ARAP1: variants seen among roughly 807,000 people sequenced by gnomAD.
ARAP1 encodes arf-GAP with Rho-GAP domain, ANK repeat and PH domain-containing protein 1.
ARAP1 carries 76 observed loss-of-function variants against 172.2 expected under a neutral mutation model. The ratio of observed to expected loss-of-function variants is 0.44; its 90% CI spans 0.37 to 0.53. The LOEUF (loss-of-function observed/expected upper bound fraction) is 0.53, where lower values mean the gene tolerates loss of function less well. Ranked by LOEUF, ARAP1 falls within the 20% of genes least tolerant of loss-of-function variation. The pLI, the probability that ARAP1 is intolerant of heterozygous loss-of-function variation, is 0.00. For missense variants in ARAP1, 1,686 were observed against 1,977.5 expected (o/e 0.85, Z 2.80); for synonymous variants, 804 against 803.3 (o/e 1.00, Z -0.01).
chr11:72,713,774 G>A (rs1283870935), intron 4 of ARAP1, among the ~76,000 whole-genome samples: 1 of 151,472 alleles, frequency 6.6e-6, no homozygotes, highest in Non-Finnish European at 1.5e-5. Flanking sequence ...GTGAACCCAG[G>A]AGGCAGAGCT....
rs186890321 is a variant in ARAP1 at position 72,698,070 on chromosome 11, G to A, written c.2578C>T (p.Arg860Trp). 242 of 1,606,006 alleles carry A rather than the reference G, an allele frequency of 1.5e-4. 1 individual carries two copies. Among genetic ancestry groups the A allele is most frequent in the Middle Eastern group, 6.6e-4 (4 of 6,040 alleles). ...VPPLAEDLLA[R>W]DFERLGRLPY... ...AGGCGTCCCAGCCGCTCAAAATCCC[G>A]GGCCAGCAGATCCTCGGCTAGGGGA... The change falls in exon 19 of 35, where the codon CGG becomes TGG. Residue 860 changes from arginine to tryptophan, a missense_variant. Physicochemically the swap from Arg to Trp is moderately radical, Grantham distance 101 (BLOSUM62 -3). This residue lies in a region of ARAP1 where 688 missense variants were observed against 856.9 expected (regional missense o/e 0.80). Coordinates refer to ENST00000393609, the MANE Select transcript of ARAP1 (RefSeq NM_001040118.3).
intron 14 of ARAP1, 79 bp downstream of exon 14, chr11:72,704,073 G>A: frequency 6.4e-7 from 1 of 1,559,750 alleles, no homozygotes. Context: ...TAGATGAGAT[G>A]GGTTAAGACA....
chr11:72,697,883 G>C (rs1856287082), intron 19 of ARAP1, 28 bp downstream of exon 19: 1 of 1,539,366 alleles, frequency 6.5e-7, no homozygotes, highest in Admixed American at 2.0e-5. Context: ...TGCCCTGGAG[G>C]CTGGGGGCCC....
In ARAP1 at chr11:72,697,051, C is replaced by A; in HGVS notation, c.3098G>T (p.Arg1033Leu). 1 of 1,610,172 alleles carries A rather than the reference C, an allele frequency of 6.2e-7. No individual in the cohort carries two copies. The highest frequency in any genetic ancestry group is 8.5e-7 in the Non-Finnish European group (1 of 1,179,936). ...HVDDVSSALK[R>L]FLRDLPDGLF... Reference sequence around the variant, plus strand: ...CCCATCAGGCAGGTCGCGCAGGAAGCGCTTGAGCGCCGAGGAAACATCATC... The same window carrying A: ...CCCATCAGGCAGGTCGCGCAGGAAGAGCTTGAGCGCCGAGGAAACATCATC... Residue 1033 changes from arginine to leucine, a missense_variant, in exon 22 of 35, where the codon CGC (arginine) becomes CTC (leucine). Around this residue, in one of 5 missense-constraint regions of ARAP1, gnomAD observed 274 missense variants for 262.7 expected, o/e 1.04. Coordinates refer to ENST00000393609, the MANE Select transcript of ARAP1 (RefSeq NM_001040118.3).
chr11:72,686,865 G>A (rs1464748514), intron 33 of ARAP1, among the ~76,000 whole-genome samples: 2 of 152,044 alleles, frequency 1.3e-5, no homozygotes, highest in Non-Finnish European at 2.9e-5. Flanking sequence ...CCCCGCCAGT[G>A]GTTCCCCACT....
chr11:72,699,333 C>T lies in ARAP1; in HGVS notation c.2438+84G>A. ...TGTGTGACTCTGCGGAGGTCCTCCC[C>T]TTCTCTGGGTCTATTTCCCTGTCTC... On this transcript the variant is annotated intron_variant, in intron 17 of 34. Transcript: ENST00000393609. This position sits in a 1 kb window ranked among gnomAD's most constrained non-coding sequence, Gnocchi z 4.2. The T allele has an allele frequency of 6.3e-7, 1 of 1,585,970 alleles. No homozygotes were observed. Among genetic ancestry groups the T allele is most frequent in the Non-Finnish European group, 8.6e-7 (1 of 1,163,662 alleles).
intron 7 of ARAP1, 98 bp downstream of exon 7, chr11:72,712,098 T>C: frequency 6.9e-7 from 1 of 1,441,356 alleles, no homozygotes; most frequent in Non-Finnish European, 9.1e-7. Flanking sequence ...GCCCTTCTGG[T>C]TTTCAGATCA....
chr11:72,724,737 C>T (rs1857635461), intron 3 of ARAP1, among the ~76,000 whole-genome samples: 1 of 152,198 alleles, frequency 6.6e-6, no homozygotes, highest in African/African-American at 2.4e-5. Flanking sequence ...GGAAGCCAGG[C>T]TTGGTAGCTT....
chr11:72,729,484 T>C (rs546954819), intron 2 of ARAP1, among the ~76,000 whole-genome samples: 1 of 151,910 alleles, frequency 6.6e-6, no homozygotes, highest in African/African-American at 2.4e-5. Flanking sequence ...TCTCAGCTAC[T>C]CAGGAGGCTA....
chr11:72,712,451 C>G lies in ARAP1; in HGVS notation c.865G>C (p.Glu289Gln). 1 of 1,590,604 alleles carries G rather than the reference C, an allele frequency of 6.3e-7. No homozygotes were observed. Among genetic ancestry groups the G allele is most frequent in the East Asian group, 2.3e-5 (1 of 44,418 alleles). Residue 289 changes from glutamate (E) to glutamine (Q), a missense_variant, in exon 6 of 35, where the codon GAG (glutamate) becomes CAG (glutamine). Physicochemically the swap from Glu to Gln is conservative, Grantham distance 29 (BLOSUM62 2). Transcript: ENST00000393609. Reference sequence around the variant, plus strand: ...CCGGACACTCACTTGGGGACGCCCTCATAGGCGTGGTCATCCTCTTCCTCA... The same window carrying G: ...CCGGACACTCACTTGGGGACGCCCTGATAGGCGTGGTCATCCTCTTCCTCA... ...GDEEEDDHAYEGVPNGGWHTS... is the reference protein window; with the variant it reads ...GDEEEDDHAYQGVPNGGWHTS...
chr11:72,738,132 G>C (rs1434669031), intron 1 of ARAP1, among the ~76,000 whole-genome samples: 1 of 152,208 alleles, frequency 6.6e-6, no homozygotes, highest in Non-Finnish European at 1.5e-5. Context: ...AGGTGGCCAG[G>C]TGGAGGCCAT....
intron 1 of ARAP1, among the ~76,000 whole-genome samples, chr11:72,751,579 A>AC (rs1297942142): frequency 2.0e-5 from 3 of 151,406 alleles, no homozygotes; most frequent in African/African-American, 7.3e-5. Context: ...CCTTCCGAGT[A>AC]CCCCCAGGTA....
At position 72,726,109 on chromosome 11, in the gene ARAP1, G is replaced by A. The variant is rs141867322; in HGVS notation, c.509+511C>T. Among the ~76,000 whole-genome samples the A allele has an allele frequency of 6.6e-6, 1 of 152,266 alleles. No homozygotes were observed. The highest frequency in any genetic ancestry group is 2.4e-5 in the African/African-American group (1 of 41,550). ...CAGATGAGGCCTGAGAAGTGTCCCA[G>A]GATTTGCTGACATTTGGCAGTGGGA... On this transcript the variant is annotated intron_variant, in intron 3 of 34. Coordinates refer to ENST00000393609, the MANE Select transcript of ARAP1 (RefSeq NM_001040118.3). The surrounding 1 kb of genome is among the most constrained non-coding windows in gnomAD (Gnocchi z 6.5).
Position 72,726,721 on chromosome 11 carries a change from G to A in ARAP1, c.408C>T (p.Ala136=). 1.3e-6 allele frequency: 2 copies of A among 1,549,264 alleles called. No individual in the cohort carries two copies. The highest frequency in any genetic ancestry group is 2.0e-5 in the Admixed American group (1 of 51,016). Residue 136 remains alanine (A), a synonymous_variant, in exon 3 of 35, where the codon GCC becomes GCT. Coordinates refer to ENST00000393609, the MANE Select transcript of ARAP1 (RefSeq NM_001040118.3). This position sits in a 1 kb window ranked among gnomAD's most constrained non-coding sequence, Gnocchi z 6.5. ...GCAGCGGGGGCAGCACAGGGTCTGG[G>A]GCAGCTGTGGATGGGGTGGTGAAGC... ...PTCFTTPSTA[A]PDPVLPPLPA... is the part of the protein sequence containing the mutation.
At position 72,699,177 on chromosome 11, in the gene ARAP1, A is replaced by AACC; in HGVS notation, c.2439-73_2439-71dup. 1 of 1,537,372 alleles carries AACC rather than the reference A, an allele frequency of 6.5e-7. No homozygotes were observed. The highest frequency in any genetic ancestry group is 1.7e-5 in the Admixed American group (1 of 59,744). ...GGGCCCACCCCCAACCCGCACCATC[A>AACC]ACCGCCATCCTCTGCCCCCTCCGCA... On this transcript the variant is annotated intron_variant, in intron 17 of 34. Coordinates refer to ENST00000393609, the MANE Select transcript of ARAP1 (RefSeq NM_001040118.3). The surrounding 1 kb of genome is among the most constrained non-coding windows in gnomAD (Gnocchi z 4.2).
chr11:72,709,823 T>G (rs1362284973), intron 11 of ARAP1, 47 bp downstream of exon 11: 1 of 1,585,430 alleles, frequency 6.3e-7, no homozygotes. Flanking sequence ...AAGGAAAACA[T>G]TAGGAAGGAG....
At chr11:72,690,303 G>A (rs1356402500) in intron 30 of ARAP1, among the ~76,000 whole-genome samples, 3 of 152,178 alleles carry the variant, frequency 2.0e-5, no homozygotes, top group Non-Finnish European at 4.4e-5. Flanking sequence ...TCAGGCCTCC[G>A]ATTCCTTGGG....
chr11:72,697,467 C>T lies in ARAP1; in HGVS notation c.2809G>A (p.Glu937Lys), dbSNP rs750697171. The T allele has an allele frequency of 2.5e-6, 4 of 1,613,522 alleles. No individual in the cohort carries two copies. The highest frequency in any genetic ancestry group is 1.6e-4 in the Middle Eastern group (1 of 6,062). The change falls in exon 21 of 35, where the codon GAG becomes AAG. Residue 937 changes from glutamate to lysine, a missense_variant. By Grantham distance (56) the Glu-to-Lys change is moderately conservative (BLOSUM62 1). Around this residue, in one of 5 missense-constraint regions of ARAP1, gnomAD observed 274 missense variants for 262.7 expected, o/e 1.04. Transcript: ENST00000393609. ...ERRRTLYIQG[E>K]RRLDFMGWLG... ...CAACCCATGAAGTCCAGCCGCCGCT[C>T]GCCCTGTATGTACAGTGTCCTGGGC...
At chr11:72,711,323 T>C in intron 8 of ARAP1, 107 bp downstream of exon 8, 1 of 1,492,256 alleles carries the variant, frequency 6.7e-7, no homozygotes, top group African/African-American at 1.4e-5. Flanking sequence ...GGGGTCAGAC[T>C]TAGAACTCTG....
Sources: allele counts gnomAD v4.1 joint callset (sites outside exome capture counted in the v4.1 genomes callset), GRCh38; gene constraint gnomAD v4.1.1; regional missense constraint gnomAD v4.1.1; non-coding constraint Gnocchi (gnomAD v3.1); transcripts MANE v1.5; gene names NCBI Gene and HGNC (gene_info 2026-07-23, HGNC 2026-07-21).